APP: variants seen among roughly 807,000 people sequenced by gnomAD.
APP encodes amyloid beta precursor protein, also known as amyloid-beta precursor protein.
A neutral mutation model predicts 101.4 loss-of-function variants in APP; 31 were observed. That is an observed-to-expected ratio of 0.31 (90% CI 0.23 to 0.41). APP has a LOEUF of 0.41. Ranked by LOEUF, APP falls within the 10% of genes least tolerant of loss-of-function variation. APP has a pLI of 1.00. For missense variants in APP, 839 were observed against 1,003.7 expected, an observed-to-expected ratio of 0.84 and a Z score of 2.22; for synonymous variants, 366 against 364.4, an observed-to-expected ratio of 1.00 and a Z score of -0.05.
intron 8 of APP, among the ~76,000 whole-genome samples, chr21:25,986,153 T>A (rs1342264493): frequency 6.6e-6 from 1 of 152,096 alleles, no homozygotes; most frequent in African/African-American, 2.4e-5. Context: ...TCCTCACCCA[T>A]CAAGGTACTT....
At chr21:26,040,784 A>G (rs2045339447) in intron 5 of APP, among the ~76,000 whole-genome samples, 1 of 151,776 alleles carries the variant, frequency 6.6e-6, no homozygotes, top group African/African-American at 2.4e-5. Flanking sequence ...AAACAAACAA[A>G]CAAACAGTAC....
intron 13 of APP, among the ~76,000 whole-genome samples, chr21:25,940,444 C>G (rs2040529594): frequency 1.3e-5 from 2 of 152,136 alleles, no homozygotes; most frequent in Non-Finnish European, 2.9e-5. Context: ...TTCCTTTTCA[C>G]CTATCCTTAT....
chr21:26,096,801 C>CG (rs2061952172), intron 2 of APP, among the ~76,000 whole-genome samples: 1 of 151,932 alleles, frequency 6.6e-6, no homozygotes, highest in South Asian at 2.1e-4. Flanking sequence ...AAAAACAGAA[C>CG]GTAACAAAAA....
intron 1 of APP, among the ~76,000 whole-genome samples, chr21:26,138,406 T>C (rs973316398): frequency 2.0e-5 from 3 of 151,856 alleles, no homozygotes; most frequent in African/African-American, 2.4e-5. Context: ...AAACTACTTA[T>C]AGAATGTCAT....
At chr21:25,882,599 C>G (rs1031060429) in intron 17 of APP, among the ~76,000 whole-genome samples, 1 of 151,756 alleles carries the variant, frequency 6.6e-6, no homozygotes, top group Non-Finnish European at 1.5e-5. Context: ...GGGCAGGGTA[C>G]TTACCCCTAC....
At chr21:26,101,439 T>C (rs1340729595) in intron 2 of APP, among the ~76,000 whole-genome samples, 1 of 152,134 alleles carries the variant, frequency 6.6e-6, no homozygotes. Flanking sequence ...TGGGGACTCA[T>C]CCAATTTCTT....
Position 26,075,235 on chromosome 21 carries a change from T to C in APP, c.355+14708A>G, listed in dbSNP as rs548694676. ...CAGACATGTTCAAGCTCTGGGAATA[T>C]TTCAGTGAATTGACAAAAGTCTCAA... On this transcript the variant is annotated intron_variant, in intron 3 of 17. Coordinates refer to ENST00000346798, the MANE Select transcript of APP (RefSeq NM_000484.4). 2.6e-5 allele frequency among the ~76,000 whole-genome samples: 4 copies of C among 152,346 alleles called. No homozygotes were observed. In the East Asian group the frequency reaches 7.7e-4, roughly 29 times the overall value.
chr21:25,947,882 G>A (rs1046978815), intron 13 of APP, among the ~76,000 whole-genome samples: 12 of 151,684 alleles, frequency 7.9e-5, no homozygotes, highest in Non-Finnish European at 1.5e-4. Context: ...GCACACGTCT[G>A]TAGTCTCAGC....
intron 13 of APP, among the ~76,000 whole-genome samples, chr21:25,918,020 A>G (rs1019887368): frequency 6.6e-6 from 1 of 152,196 alleles, no homozygotes; most frequent in South Asian, 2.1e-4. Flanking sequence ...ATCATTAAAA[A>G]GTCTGGCAAC....
chr21:25,924,418 AAAAAAAAAAG>A (rs1221860252), intron 13 of APP, among the ~76,000 whole-genome samples: 3 of 97,860 alleles, frequency 3.1e-5, no homozygotes, highest in Non-Finnish European at 4.2e-5. Context: ...ATACAAAAAA[AAAAAAAAAAG>A]GAAAAAAAAA....
At chr21:26,097,024 G>C (rs1306680181) in intron 2 of APP, among the ~76,000 whole-genome samples, 1 of 152,194 alleles carries the variant, frequency 6.6e-6, no homozygotes, top group Non-Finnish European at 1.5e-5. Flanking sequence ...GATTCTAGGA[G>C]ATGCCTTGTC....
intron 1 of APP, among the ~76,000 whole-genome samples, chr21:26,128,071 A>C (rs1412147489): frequency 6.6e-6 from 1 of 152,184 alleles, no homozygotes; most frequent in Admixed American, 6.5e-5. Flanking sequence ...TGGTTTAAAG[A>C]ATGTCTTATG....
chr21:26,016,991 A>G (rs992413448), intron 6 of APP, among the ~76,000 whole-genome samples: 3 of 149,376 alleles, frequency 2.0e-5, no homozygotes, highest in Non-Finnish European at 4.4e-5. Context: ...GAGGTCAGGA[A>G]ATCGAGACCA....
intron 11 of APP, among the ~76,000 whole-genome samples, chr21:25,971,716 GT>G (rs1306907400): frequency 6.6e-6 from 1 of 152,214 alleles, no homozygotes; most frequent in Non-Finnish European, 1.5e-5. Flanking sequence ...AGTGCTTGGT[GT>G]TCACACAGGG....
At chr21:26,133,313 A>G (rs2062832301) in intron 1 of APP, among the ~76,000 whole-genome samples, 1 of 152,226 alleles carries the variant, frequency 6.6e-6, no homozygotes, top group Non-Finnish European at 1.5e-5. Context: ...AATACTGCAT[A>G]TGCAATTTTT....
intron 5 of APP, among the ~76,000 whole-genome samples, chr21:26,027,724 T>C (rs1350198508): frequency 6.6e-6 from 1 of 152,072 alleles, no homozygotes; most frequent in Non-Finnish European, 1.5e-5. Context: ...AGTTGTGTGG[T>C]CTTAAAAAAC....
At chr21:26,089,098 A>G (rs2061764673) in intron 3 of APP, among the ~76,000 whole-genome samples, 1 of 152,174 alleles carries the variant, frequency 6.6e-6, no homozygotes, top group Non-Finnish European at 1.5e-5. Context: ...ATATACATCA[A>G]TATTTGTCCA....
chr21:25,955,410 C>CT (rs1292767208), intron 12 of APP, among the ~76,000 whole-genome samples: 3 of 152,168 alleles, frequency 2.0e-5, no homozygotes, highest in Non-Finnish European at 4.4e-5. Context: ...TAGCAGTAGA[C>CT]TAAGATTTTT....
intron 5 of APP, among the ~76,000 whole-genome samples, chr21:26,050,496 A>C (rs1374270684): frequency 6.6e-6 from 1 of 151,970 alleles, no homozygotes; most frequent in East Asian, 1.9e-4. Context: ...TAGTTAAAAA[A>C]AATTAACAAG....
Sources: allele counts gnomAD v4.1 joint callset (sites outside exome capture counted in the v4.1 genomes callset), GRCh38; gene constraint gnomAD v4.1.1; transcripts MANE v1.5; gene names NCBI Gene and HGNC (gene_info 2026-07-23, HGNC 2026-07-21).